The following GRIN2B variants were observed in gnomAD, a reference collection of about 807,000 sequenced individuals.
GRIN2B encodes the protein glutamate ionotropic receptor NMDA type subunit 2B, also known as glutamate receptor ionotropic, NMDA 2B.
In GRIN2B, 5 loss-of-function variants were observed where a neutral mutation model predicts 114.5. The observed-to-expected ratio is 0.04, with a 90% CI of 0.02 to 0.09. The LOEUF is 0.09. Among genes scored for constraint, GRIN2B ranks in the 10% least tolerant of loss-of-function variants. The pLI is 1.00. For missense variants in GRIN2B, 1,108 were observed against 1,943.5 expected, an observed-to-expected ratio of 0.57 and a Z score of 8.08; for synonymous variants, 787 against 745.1, an observed-to-expected ratio of 1.06 and a Z score of -0.92.
intron 3 of GRIN2B, among the ~76,000 whole-genome samples, chr12:13,847,250 T>C (rs1241028670): frequency 6.6e-6 from 1 of 152,164 alleles, no homozygotes; most frequent in Non-Finnish European, 1.5e-5. Context: ...ATCAATAAAT[T>C]AGCTACAGCT....
intron 4 of GRIN2B, among the ~76,000 whole-genome samples, chr12:13,704,941 A>C (rs561043448): frequency 2.1e-4 from 32 of 152,256 alleles, no homozygotes; most frequent in African/African-American, 6.7e-4. Context: ...CTAAAATATT[A>C]ATGCCCCATG....
chr12:13,926,969 A>AAG (rs1866929225), intron 2 of GRIN2B, among the ~76,000 whole-genome samples: 1 of 151,656 alleles, frequency 6.6e-6, no homozygotes, highest in African/African-American at 2.4e-5. Flanking sequence ...AGAAAAAAAA[A>AAG]AAAAGACAAA....
At chr12:13,645,017 T>A (rs1949749670) in intron 5 of GRIN2B, among the ~76,000 whole-genome samples, 1 of 152,144 alleles carries the variant, frequency 6.6e-6, no homozygotes, top group Non-Finnish European at 1.5e-5. Context: ...TTCACTGGAG[T>A]AGCACTTTTG....
Position 13,677,233 on chromosome 12 carries a change from AT to A in GRIN2B, c.1011-1375del, listed in dbSNP as rs558025800. 9.2e-4 allele frequency among the ~76,000 whole-genome samples: 140 copies of A among 152,298 alleles called. 1 individual carries two copies. Among genetic ancestry groups the A allele is most frequent in the African/African-American group, 3.3e-3 (136 of 41,572 alleles). ...GTCCCTGCTAAGAAGCAAAAGGGGT[AT>A]CTTGTAACTGCAGTGAGGATGCTAA... On this transcript the variant is annotated intron_variant, in intron 4 of 13. Coordinates refer to ENST00000609686, the MANE Select transcript of GRIN2B (RefSeq NM_000834.5).
rs555702516 is a variant in GRIN2B, at chr12:13,597,382, C to T, written c.2010+11221G>A. ...GAAGCTAAACCGAAAGGAAAAACCC[C>T]ATCTCCCATTCCCAGTAGCAAAGGA... is the stretch of plus-strand genomic sequence containing the variant. On this transcript the variant is annotated intron_variant, in intron 10 of 13. Transcript: ENST00000609686. Among the ~76,000 whole-genome samples the T allele has an allele frequency of 8.5e-5, 13 of 152,346 alleles. No homozygotes were observed. In the South Asian group the frequency reaches 2.7e-3, roughly 32 times the overall value.
chr12:13,615,700 A>C lies in GRIN2B; in HGVS notation c.1329-36T>G. On this transcript the variant is annotated intron_variant, in intron 6 of 13. Coordinates refer to ENST00000609686, the MANE Select transcript of GRIN2B (RefSeq NM_000834.5). This position sits in a 1 kb window ranked among gnomAD's most constrained non-coding sequence, Gnocchi z 5.8. ...AAAGAAACAAAAACAAACAAACAAA[A>C]AAGTCTTTGTACAAAAAGCCAACAT... is the stretch of plus-strand genomic sequence containing the variant. 1 of 1,589,782 alleles carries C rather than the reference A, an allele frequency of 6.3e-7. No homozygotes were observed. Among genetic ancestry groups the C allele is most frequent in the Non-Finnish European group, 8.6e-7 (1 of 1,157,998 alleles).
chr12:13,858,023 T>C (rs542812777), intron 3 of GRIN2B, among the ~76,000 whole-genome samples: 2 of 152,298 alleles, frequency 1.3e-5, no homozygotes, highest in South Asian at 4.1e-4. Context: ...AGACTCTTTG[T>C]TCTGAGACAC....
intron 2 of GRIN2B, among the ~76,000 whole-genome samples, chr12:13,937,641 C>T (rs1867153357): frequency 6.6e-6 from 1 of 151,624 alleles, no homozygotes; most frequent in Admixed American, 6.6e-5. Context: ...GATGAAAACC[C>T]AGATCTACAA....
intron 3 of GRIN2B, among the ~76,000 whole-genome samples, chr12:13,853,912 G>T (rs1185249406): frequency 6.6e-6 from 1 of 152,172 alleles, no homozygotes; most frequent in African/African-American, 2.4e-5. Context: ...CTATATGTTA[G>T]GTTCTGGTGA....
At chr12:13,940,003 T>C (rs1867210759) in intron 2 of GRIN2B, among the ~76,000 whole-genome samples, 1 of 152,152 alleles carries the variant, frequency 6.6e-6, no homozygotes, top group African/African-American at 2.4e-5. Flanking sequence ...TGTAAACCTG[T>C]AAGTGCAGGT....
intron 3 of GRIN2B, among the ~76,000 whole-genome samples, chr12:13,812,832 C>A (rs1446324483): frequency 6.6e-6 from 1 of 151,246 alleles, no homozygotes; most frequent in African/African-American, 2.4e-5. Flanking sequence ...CTTAACGTGA[C>A]AACTGTAGAC....
chr12:13,642,229 C>T (rs947633413), intron 5 of GRIN2B, among the ~76,000 whole-genome samples: 1 of 151,830 alleles, frequency 6.6e-6, no homozygotes, highest in African/African-American at 2.4e-5. Flanking sequence ...AACAAGCTAG[C>T]TAACTAAACT....
intron 2 of GRIN2B, among the ~76,000 whole-genome samples, chr12:13,944,698 G>A (rs1867331724): frequency 6.6e-6 from 1 of 152,200 alleles, no homozygotes; most frequent in Non-Finnish European, 1.5e-5. Context: ...CATGAAGTTA[G>A]TTAGGGGCAG....
At chr12:13,694,885 T>C (rs1031030868) in intron 4 of GRIN2B, among the ~76,000 whole-genome samples, 4 of 151,766 alleles carry the variant, frequency 2.6e-5, no homozygotes, top group Non-Finnish European at 5.9e-5. Context: ...TCTCTGTGAA[T>C]GAAGTAAAGG....
At chr12:13,625,991 G>A (rs1949561435) in intron 5 of GRIN2B, among the ~76,000 whole-genome samples, 2 of 152,192 alleles carry the variant, frequency 1.3e-5, no homozygotes, top group African/African-American at 4.8e-5. Context: ...ATTTCCTGAA[G>A]TATCTAATGC....
intron 3 of GRIN2B, among the ~76,000 whole-genome samples, chr12:13,801,297 T>C (rs1244863760): frequency 6.6e-6 from 1 of 152,204 alleles, no homozygotes; most frequent in East Asian, 1.9e-4. Flanking sequence ...GATCACAGTT[T>C]GTGACCCCTA....
chr12:13,694,697 A>G (rs1166110978), intron 4 of GRIN2B, among the ~76,000 whole-genome samples: 2 of 130,494 alleles, frequency 1.5e-5, no homozygotes, highest in African/African-American at 5.7e-5. Context: ...ATATATATAT[A>G]TATATAAATT....
chr12:13,803,007 C>T (rs140841295), intron 3 of GRIN2B, among the ~76,000 whole-genome samples: 1 of 152,248 alleles, frequency 6.6e-6, no homozygotes, highest in Non-Finnish European at 1.5e-5. Context: ...CCTCCTCCTC[C>T]TCAGCCTACT....
In GRIN2B at chr12:13,616,442, G is replaced by A. The variant is rs1376523744; in HGVS notation, c.1328+13C>T. 1.2e-6 allele frequency: 2 copies of A among 1,603,494 alleles called. No homozygotes were observed. Among genetic ancestry groups the A allele is most frequent in the Admixed American group, 1.7e-5 (1 of 60,006 alleles). On this transcript the variant is annotated intron_variant, in intron 6 of 13. Coordinates refer to ENST00000609686, the MANE Select transcript of GRIN2B (RefSeq NM_000834.5). ...CTCCCATGCCACCCAAAGTCATTGA[G>A]AGGATGCCATACTCAGTGACTATGC...
Sources: gnomAD v4.1 joint callset for allele counts (sites outside exome capture counted in the v4.1 genomes callset) on GRCh38, gnomAD v4.1.1 for gene constraint, Gnocchi (gnomAD v3.1) non-coding constraint, MANE v1.5 for transcripts, NCBI Gene and HGNC (gene_info 2026-07-23, HGNC 2026-07-21) for gene names.